Variants in CHRM3 observed in about 807,000 individuals in gnomAD.
CHRM3 encodes muscarinic acetylcholine receptor M3.
Under a neutral mutation model 41.8 loss-of-function variants are expected in CHRM3, and 11 were observed. That is an observed-to-expected ratio of 0.26 (90% CI 0.17 to 0.44). The LOEUF is 0.44. Ranked by LOEUF, CHRM3 falls within the 20% of genes least tolerant of loss-of-function variation. The pLI is 1.00. For synonymous variants in CHRM3, 297 were observed against 301.4 expected (o/e 0.99, Z 0.15); for missense variants, 571 against 745.4 (o/e 0.77, Z 2.72).
In CHRM3 at chr1:239,777,982, G is replaced by A. The variant is rs78497195; in HGVS notation, c.-146-49270G>A. Among the ~76,000 whole-genome samples the A allele has an allele frequency of 2.0e-3, 304 of 152,202 alleles. 6 individuals are homozygous for A. The East Asian group carries it at 0.054, about 27-fold the overall frequency. On this transcript the variant is annotated intron_variant, in intron 5 of 6. Transcript: ENST00000676153. ...CCGGGGAAAGGTTGGGAGGGAAGGA[G>A]AGATAAAAGACTACATATTGGGTAC...
At chr1:239,865,147 G>A (rs1675982912) in intron 6 of CHRM3, among the ~76,000 whole-genome samples, 1 of 152,164 alleles carries the variant, frequency 6.6e-6, no homozygotes. Flanking sequence ...CAAAGAGAAG[G>A]AGGAATCTCC....
intron 1 of CHRM3, among the ~76,000 whole-genome samples, chr1:239,445,462 C>T (rs1476906909): frequency 2.6e-5 from 4 of 152,092 alleles, no homozygotes; most frequent in Non-Finnish European, 5.9e-5. Context: ...AACAGGACGG[C>T]ATTAATGTTT....
In CHRM3 at chr1:239,675,210, A is replaced by C. The variant is rs138994181; in HGVS notation, c.-249-2976A>C. ...GTTCACCCAACCAAATGGGAAGTACATTCAGAATAAATACATTTTCATAAA... is the reference window on the plus strand; with the variant it reads ...GTTCACCCAACCAAATGGGAAGTACCTTCAGAATAAATACATTTTCATAAA... On this transcript the variant is annotated intron_variant, in intron 4 of 6. Transcript: ENST00000676153. 3.3e-5 allele frequency among the ~76,000 whole-genome samples: 5 copies of C among 152,310 alleles called. No homozygotes were observed. In the East Asian group the frequency reaches 7.7e-4, roughly 24 times the overall value.
chr1:239,756,121 CTGTA>C (rs1558515404), intron 5 of CHRM3, among the ~76,000 whole-genome samples: 1 of 152,138 alleles, frequency 6.6e-6, no homozygotes, highest in Non-Finnish European at 1.5e-5. Context: ...TTTCTTGGTA[CTGTA>C]TGTATTATGG....
In CHRM3 at chr1:239,389,532, A is replaced by C. The variant is rs1031278181; in HGVS notation, c.-521+2305A>C. Among the ~76,000 whole-genome samples, 7 of 152,340 alleles carry C rather than the reference A, an allele frequency of 4.6e-5. 1 individual carries two copies. Among genetic ancestry groups the C allele is most frequent in the Admixed American group, 4.6e-4 (7 of 15,302 alleles). On this transcript the variant is annotated intron_variant, in intron 1 of 6. Transcript: ENST00000676153. ...ATAAATTAGAGTATGTAAAAATGTGAAGTTCTTTTAATGATATTTTAGCCT... is the reference window on the plus strand; with the variant it reads ...ATAAATTAGAGTATGTAAAAATGTGCAGTTCTTTTAATGATATTTTAGCCT...
intron 4 of CHRM3, among the ~76,000 whole-genome samples, chr1:239,670,779 C>CG (rs1553359332): frequency 6.6e-6 from 1 of 151,904 alleles, no homozygotes; most frequent in Non-Finnish European, 1.5e-5. Context: ...CTACCCCCCC[C>CG]ACCTCAGTTT....
At chr1:239,607,444 G>T (rs1035873342) in intron 3 of CHRM3, among the ~76,000 whole-genome samples, 1 of 152,042 alleles carries the variant, frequency 6.6e-6, no homozygotes, top group Non-Finnish European at 1.5e-5. Flanking sequence ...TAGTTTGGAG[G>T]TTGCCTGGAT....
At chr1:239,658,394 A>G (rs1173905010) in intron 4 of CHRM3, among the ~76,000 whole-genome samples, 1 of 152,224 alleles carries the variant, frequency 6.6e-6, no homozygotes, top group Non-Finnish European at 1.5e-5. Context: ...AAGAATGTCA[A>G]GATTGATTTG....
intron 2 of CHRM3, among the ~76,000 whole-genome samples, chr1:239,494,996 T>C (rs1667790754): frequency 6.6e-6 from 1 of 152,172 alleles, no homozygotes. Context: ...CCTTTGGGTC[T>C]TCCTTTCCAG....
intron 5 of CHRM3, among the ~76,000 whole-genome samples, chr1:239,791,396 T>G (rs1216232199): frequency 6.6e-6 from 1 of 152,184 alleles, no homozygotes; most frequent in Admixed American, 6.5e-5. Context: ...TGAACCACCA[T>G]GCCCAGCCAG....
intron 4 of CHRM3, among the ~76,000 whole-genome samples, chr1:239,652,376 C>A (rs1672318983): frequency 6.6e-6 from 1 of 152,158 alleles, no homozygotes; most frequent in Admixed American, 6.5e-5. Flanking sequence ...CCACCTTGAG[C>A]AAGCTAATTT....
In CHRM3 at chr1:239,843,516, G is replaced by T. The variant is rs116836127; in HGVS notation, c.-20+16138G>T. Among the ~76,000 whole-genome samples the T allele has an allele frequency of 1.2e-4, 17 of 137,144 alleles. No individual in the cohort carries two copies. The Admixed American group carries it at 1.3e-3, about 11-fold the overall frequency. 90.0% of individuals were successfully genotyped at this position (137,144 alleles called of 152,430 possible). A position where few individuals can be genotyped will look rare whatever the true frequency, so the allele number is the denominator to read the frequency against. ...TCATTTGCTTTAATATAGCAGATTA[G>T]CTGGAGGCATGGTTCAGCAAATGGT... On this transcript the variant is annotated intron_variant, in intron 6 of 6. Coordinates refer to ENST00000676153, the MANE Select transcript of CHRM3 (RefSeq NM_001375978.1).
chr1:239,608,077 TCTAA>T (rs567577745), intron 3 of CHRM3, among the ~76,000 whole-genome samples: 118 of 152,338 alleles, frequency 7.7e-4, no homozygotes, highest in African/African-American at 2.8e-3. Flanking sequence ...TTCATGAGGT[TCTAA>T]CTACCTTTAT....
intron 1 of CHRM3, among the ~76,000 whole-genome samples, chr1:239,404,182 G>A (rs376548697): frequency 6.6e-6 from 1 of 150,624 alleles, no homozygotes; most frequent in African/African-American, 2.4e-5. Flanking sequence ...CCAGCTACTC[G>A]GGAGGCTGAG....
At chr1:239,550,370 A>T (rs1659702034) in intron 3 of CHRM3, among the ~76,000 whole-genome samples, 1 of 152,136 alleles carries the variant, frequency 6.6e-6, no homozygotes, top group African/African-American at 2.4e-5. Flanking sequence ...TTGATGTACC[A>T]ACTACCTCAC....
chr1:239,533,868 G>T (rs1040268368), intron 2 of CHRM3, among the ~76,000 whole-genome samples: 1 of 151,870 alleles, frequency 6.6e-6, no homozygotes, highest in East Asian at 1.9e-4. Flanking sequence ...CCCATGACAT[G>T]TGGGGATTAT....
chr1:239,756,545 G>T (rs1666257430), intron 5 of CHRM3, among the ~76,000 whole-genome samples: 1 of 152,094 alleles, frequency 6.6e-6, no homozygotes, highest in African/African-American at 2.4e-5. Flanking sequence ...GTGTGTGCTG[G>T]ACCACTATAA....
At position 239,688,634 on chromosome 1, in the gene CHRM3, AATAT is replaced by A. The variant is rs1234547417; in HGVS notation, c.-147+10352_-147+10355del. On this transcript the variant is annotated intron_variant, in intron 5 of 6. Transcript: ENST00000676153. ...TAATATATTACTCAGTATAATACAT[AATAT>A]ATATAATATATTACTCGGTATAATA... Among the ~76,000 whole-genome samples, 25 of 133,910 alleles carry A rather than the reference AATAT, an allele frequency of 1.9e-4. No individual in the cohort carries two copies. In the South Asian group the frequency reaches 5.2e-3, roughly 28 times the overall value. The allele number at this position is 133,910 out of a possible 152,430, so 87.9% of individuals were successfully genotyped here. A position where few individuals can be genotyped will look rare whatever the true frequency, so the allele number is the denominator to read the frequency against.
chr1:239,866,272 G>A (rs1413228993), intron 6 of CHRM3, among the ~76,000 whole-genome samples: 1 of 152,126 alleles, frequency 6.6e-6, no homozygotes, highest in African/African-American at 2.4e-5. Flanking sequence ...AGCTACTCGG[G>A]AGGCTGAGGC....
Sources: gnomAD v4.1 joint callset for allele counts (sites outside exome capture counted in the v4.1 genomes callset) on GRCh38, gnomAD v4.1.1 for gene constraint, MANE v1.5 for transcripts, NCBI Gene and HGNC (gene_info 2026-07-23, HGNC 2026-07-21) for gene names.